CLMN: variants seen among roughly 807,000 people sequenced by gnomAD.
CLMN encodes calmin (calponin-like, transmembrane).
CLMN carries 57 observed loss-of-function variants against 92.7 expected under a neutral mutation model. The ratio of observed to expected loss-of-function variants is 0.61; its 90% CI spans 0.50 to 0.77. The LOEUF (loss-of-function observed/expected upper bound fraction) is 0.77, where lower values mean the gene tolerates loss of function less well. Among genes scored for constraint, CLMN ranks in the 30% least tolerant of loss-of-function variants. The probability of loss-of-function intolerance (pLI) is 0.00; values close to 1 mark genes in which losing one functional copy is unlikely to be tolerated. For missense variants in CLMN, 1,158 were observed against 1,237.5 expected (o/e 0.94, Z 0.96); for synonymous variants, 466 against 470.6 (o/e 0.99, Z 0.13).
rs187526020 is a variant in CLMN at position 95,267,517 on chromosome 14, C to A, written c.83-37384G>T. The stretch of plus-strand genomic sequence containing the variant: ...CACCCCAGTTAAAATGGCTCTTAAC[C>A]AAAAGACAGGAAATAACGGATGCTG... On this transcript the variant is annotated intron_variant, in intron 1 of 12. Coordinates refer to ENST00000298912, the MANE Select transcript of CLMN (RefSeq NM_024734.4). Among the ~76,000 whole-genome samples the A allele has an allele frequency of 1.4e-4, 22 of 152,172 alleles. 1 individual carries two copies. The highest frequency in any genetic ancestry group is 8.5e-4 in the Admixed American group (13 of 15,268).
At chr14:95,201,914 CT>C (rs968033295) in intron 9 of CLMN, among the ~76,000 whole-genome samples, 3 of 152,142 alleles carry the variant, frequency 2.0e-5, no homozygotes, top group African/African-American at 4.8e-5. Flanking sequence ...TGAACTCATT[CT>C]TTTTTATGGC....
chr14:95,212,929 G>A (rs1160168454), intron 6 of CLMN, among the ~76,000 whole-genome samples: 1 of 151,952 alleles, frequency 6.6e-6, no homozygotes, highest in African/African-American at 2.4e-5. Context: ...GGGACTACAG[G>A]TGCCCGCCAC....
intron 8 of CLMN, 122 bp from the exon 9 acceptor site, chr14:95,204,585 CACAA>C (rs748648133): frequency 1.0e-4 from 95 of 922,132 alleles, no homozygotes; most frequent in Non-Finnish European, 1.1e-4. Flanking sequence ...TTTCCCAAAA[CACAA>C]ACAAACAAAA....
chr14:95,306,106 G>C (rs1022601681), intron 1 of CLMN, among the ~76,000 whole-genome samples: 1 of 152,154 alleles, frequency 6.6e-6, no homozygotes, highest in African/African-American at 2.4e-5. Flanking sequence ...GGAGAGAAGC[G>C]AGGGGGACCA....
rs574042203 is a variant in CLMN, at chr14:95,210,726, T to C, written c.762A>G (p.Ala254=). The C allele has an allele frequency of 6.2e-7, 1 of 1,610,498 alleles. No individual in the cohort carries two copies. The highest frequency in any genetic ancestry group is 1.7e-5 in the Admixed American group (1 of 59,460). Residue 254 remains alanine, a synonymous_variant, in exon 7 of 13, where the codon GCA becomes GCG. Coordinates refer to ENST00000298912, the MANE Select transcript of CLMN (RefSeq NM_024734.4). ...RENLEKAFSI[A]QDALHIPRLL... ...GCCTGGGGATGTGCAGGGCATCCTG[T>C]GCGATGCTGAAAGCCTTCTCTAGAT...
chr14:95,235,852 T>A (rs988182508), intron 1 of CLMN, among the ~76,000 whole-genome samples: 2 of 152,130 alleles, frequency 1.3e-5, no homozygotes, highest in Non-Finnish European at 2.9e-5. Flanking sequence ...GCTTCATCTC[T>A]ACACGCGCTC....
intron 9 of CLMN, among the ~76,000 whole-genome samples, chr14:95,201,699 A>C (rs1472834307): frequency 6.6e-6 from 1 of 151,574 alleles, no homozygotes; most frequent in East Asian, 1.9e-4. Context: ...TAAGGCCCGC[A>C]TGCATTAGAT....
At chr14:95,216,370 G>C (rs143038441) in intron 4 of CLMN, among the ~76,000 whole-genome samples, 207 of 152,278 alleles carry the variant, frequency 1.4e-3, no homozygotes, top group African/African-American at 4.5e-3. Flanking sequence ...ATTTGGGTGG[G>C]GACACAGCCA....
chr14:95,189,782 G>C lies in CLMN; in HGVS notation c.*1782C>G, dbSNP rs928072014. The stretch of plus-strand genomic sequence containing the variant: ...TCATTAATTAGCTCATTTTCCATGG[G>C]GCTCTTGGCCTTCCAGATGGAATCA... On this transcript the variant is annotated 3_prime_UTR_variant, in exon 13 of 13. Coordinates refer to ENST00000298912, the MANE Select transcript of CLMN (RefSeq NM_024734.4). 2 of 152,102 alleles carry C rather than the reference G, an allele frequency of 1.3e-5. No homozygotes were observed. Among genetic ancestry groups the C allele is most frequent in the African/African-American group, 4.8e-5 (2 of 41,390 alleles). 9.4% of individuals were successfully genotyped at this position (152,102 alleles called of 1,614,324 possible).
chr14:95,267,234 G>C (rs1444976786), intron 1 of CLMN, among the ~76,000 whole-genome samples: 2 of 152,156 alleles, frequency 1.3e-5, no homozygotes, highest in East Asian at 3.8e-4. Context: ...ACAAAGTGAA[G>C]AGACAACATA....
chr14:95,198,251 T>C (rs1403443346), intron 9 of CLMN, among the ~76,000 whole-genome samples: 1 of 151,948 alleles, frequency 6.6e-6, no homozygotes, highest in Non-Finnish European at 1.5e-5. Flanking sequence ...GGTTTCTCCA[T>C]GTTGGCCAGG....
intron 3 of CLMN, 38 bp downstream of exon 3, chr14:95,223,722 C>T: frequency 6.7e-7 from 1 of 1,497,514 alleles, no homozygotes; most frequent in Non-Finnish European, 9.2e-7. Flanking sequence ...TTTTCCTTTG[C>T]ATTTTCTTTC....
intron 3 of CLMN, chr14:95,222,628 TG>T: frequency 2.2e-6 from 1 of 455,902 alleles, no homozygotes; most frequent in Non-Finnish European, 4.4e-6. Context: ...GCCTCTGTGC[TG>T]GGAGCATAAA....
At chr14:95,291,357 C>T (rs568297379) in intron 1 of CLMN, among the ~76,000 whole-genome samples, 9 of 152,320 alleles carry the variant, frequency 5.9e-5, no homozygotes, top group African/African-American at 2.2e-4. Flanking sequence ...GGAGCCGCAT[C>T]CCTGCAGCTC....
At chr14:95,279,675 C>T (rs1009150067) in intron 1 of CLMN, among the ~76,000 whole-genome samples, 12 of 152,178 alleles carry the variant, frequency 7.9e-5, no homozygotes, top group African/African-American at 1.9e-4. Flanking sequence ...CCCAGCTCCT[C>T]GGGAGGATGA....
Position 95,220,604 on chromosome 14 carries a change from C to G in CLMN, c.324+1087G>C, listed in dbSNP as rs565035878. Among the ~76,000 whole-genome samples, 15 of 152,364 alleles carry G rather than the reference C, an allele frequency of 9.8e-5. No individual in the cohort carries two copies. The South Asian group carries it at 1.9e-3, about 19-fold the overall frequency. ...TTGCTGGCCGCCACCATCTGAACCT[C>G]CCCTCTGTGCCTGGGACTTTCTCCT... On this transcript the variant is annotated intron_variant, in intron 4 of 12. Coordinates refer to ENST00000298912, the MANE Select transcript of CLMN (RefSeq NM_024734.4).
chr14:95,185,058 A>G lies in CLMN; in HGVS notation c.*6506T>C, dbSNP rs1896408992. 6.6e-6 allele frequency: 1 copy of G among 152,280 alleles called. No homozygotes were observed. The highest frequency in any genetic ancestry group is 2.4e-5 in the African/African-American group (1 of 41,416). 9.4% of individuals were successfully genotyped at this position (152,280 alleles called of 1,614,324 possible). On this transcript the variant is annotated 3_prime_UTR_variant, in exon 13 of 13. Coordinates refer to ENST00000298912, the MANE Select transcript of CLMN (RefSeq NM_024734.4). Reference sequence around the variant, plus strand: ...GAGTTTCAGGCTGCAGTGAGCTGTGATCACACCACTGTACTCCAGCCTCGG... The same window carrying G: ...GAGTTTCAGGCTGCAGTGAGCTGTGGTCACACCACTGTACTCCAGCCTCGG...
intron 1 of CLMN, among the ~76,000 whole-genome samples, chr14:95,243,283 T>C (rs894528558): frequency 2.7e-5 from 4 of 150,074 alleles, no homozygotes. Context: ...TTCTCTTTAC[T>C]GTTATGAGAA....
At chr14:95,248,857 A>C (rs1026555681) in intron 1 of CLMN, among the ~76,000 whole-genome samples, 1 of 152,188 alleles carries the variant, frequency 6.6e-6, no homozygotes, top group African/African-American at 2.4e-5. Context: ...TTTTTCTACC[A>C]TAAGTATATA....
Sources: gnomAD v4.1 joint callset for allele counts (sites outside exome capture counted in the v4.1 genomes callset) on GRCh38, gnomAD v4.1.1 for gene constraint, MANE v1.5 for transcripts, NCBI Gene and HGNC (gene_info 2026-07-23, HGNC 2026-07-21) for gene names.